The following CDYL2 variants were observed in gnomAD, a reference collection of about 807,000 sequenced individuals.
The protein encoded by CDYL2 is chromodomain Y-like protein 2.
A neutral mutation model predicts 49.4 loss-of-function variants in CDYL2; 23 were observed. The ratio of observed to expected loss-of-function variants is 0.47; its 90% confidence interval spans 0.34 to 0.66. The LOEUF (loss-of-function observed/expected upper bound fraction) is 0.66, where lower values mean the gene tolerates loss of function less well. CDYL2 is among the 30% of genes least tolerant of loss of function. The pLI is 0.01. For synonymous variants in CDYL2, 360 were observed against 268.8 expected (o/e 1.34, Z -3.32); for missense variants, 678 against 656.4 (o/e 1.03, Z -0.36).
chr16:80,643,913 T>A (rs1908217408), intron 2 of CDYL2, among the ~76,000 whole-genome samples: 1 of 152,248 alleles, frequency 6.6e-6, no homozygotes, highest in African/African-American at 2.4e-5. Flanking sequence ...TCTTGGGGAT[T>A]AACATTCAGC....
At chr16:80,674,576 C>T (rs568987541) in intron 2 of CDYL2, among the ~76,000 whole-genome samples, 1 of 152,164 alleles carries the variant, frequency 6.6e-6, no homozygotes, top group Non-Finnish European at 1.5e-5. Flanking sequence ...ATTTTCATTG[C>T]TCAAAATGAA....
Position 80,684,971 on chromosome 16 carries a change from G to A in CDYL2, c.183C>T (p.Ser61=), listed in dbSNP as rs1054113691. 7.4e-6 allele frequency: 12 copies of A among 1,614,122 alleles called. No individual in the cohort carries two copies. Among genetic ancestry groups the A allele is most frequent in the Middle Eastern group, 1.6e-4 (1 of 6,062 alleles). Residue 61 remains serine (S), a synonymous_variant, in exon 2 of 7, where the codon TCC becomes TCT. Transcript: ENST00000570137. ...TCCCTGACTTGATCCTCTTGTCCTTGGACATGTGCAACCCATTGAATTCAT... is the reference window on the plus strand; with the variant it reads ...TCCCTGACTTGATCCTCTTGTCCTTAGACATGTGCAACCCATTGAATTCAT... ...FIDEFNGLHM[S]KDKRIKSGKQ... is the part of the protein sequence containing the mutation.
chr16:80,768,087 C>T (rs1449618021), intron 1 of CDYL2, among the ~76,000 whole-genome samples: 1 of 152,210 alleles, frequency 6.6e-6, no homozygotes, highest in African/African-American at 2.4e-5. Context: ...AAAGCCCATT[C>T]CCCCACTGCC....
At chr16:80,804,665 G>C (rs1438202028), upstream of CDYL2, among the ~76,000 whole-genome samples, 2 of 145,946 alleles carry the variant, frequency 1.4e-5, no homozygotes, top group African/African-American at 4.9e-5. Flanking sequence ...GCTGCTGCCC[G>C]GCCGCGCCCC....
chr16:80,801,544 T>G (rs1402040371), intron 1 of CDYL2, among the ~76,000 whole-genome samples: 2 of 152,196 alleles, frequency 1.3e-5, no homozygotes, highest in Non-Finnish European at 2.9e-5. Flanking sequence ...GTGAAATATA[T>G]CAATTACAAA....
chr16:80,672,119 A>G (rs1336348641), intron 2 of CDYL2, among the ~76,000 whole-genome samples: 1 of 152,164 alleles, frequency 6.6e-6, no homozygotes, highest in African/African-American at 2.4e-5. Flanking sequence ...CATCATTTTG[A>G]TGCTCAGAAA....
At chr16:80,616,131 C>T (rs932814794) in intron 4 of CDYL2, among the ~76,000 whole-genome samples, 2 of 152,184 alleles carry the variant, frequency 1.3e-5, no homozygotes, top group African/African-American at 2.4e-5. Flanking sequence ...GCAACAACTT[C>T]AGAATCTGAA....
intron 1 of CDYL2, among the ~76,000 whole-genome samples, chr16:80,744,394 C>T (rs898014621): frequency 5.9e-5 from 9 of 152,246 alleles, no homozygotes; most frequent in Admixed American, 3.9e-4. Flanking sequence ...TCCTTTAACA[C>T]CAGCTTTACA....
rs1904339918 is a variant in CDYL2, at chr16:80,704,573, T to C, written c.25-19444A>G. Among the ~76,000 whole-genome samples the C allele has an allele frequency of 2.0e-5, 3 of 152,104 alleles. No homozygotes were observed. The South Asian group carries it at 6.2e-4, about 32-fold the overall frequency. The stretch of plus-strand genomic sequence containing the variant: ...CAAAAGGAAAGACGTTCACCACCGG[T>C]GTGTACAAGGTAGCCAACCTGGTCT... On this transcript the variant is annotated intron_variant, in intron 1 of 6. Transcript: ENST00000570137.
intron 1 of CDYL2, among the ~76,000 whole-genome samples, chr16:80,790,761 G>A (rs1341052769): frequency 1.3e-5 from 2 of 152,160 alleles, no homozygotes; most frequent in African/African-American, 4.8e-5. Flanking sequence ...CAGGGGGGTA[G>A]GTCTCAGCTC....
intron 1 of CDYL2, among the ~76,000 whole-genome samples, chr16:80,711,746 A>G (rs1904603292): frequency 7.0e-6 from 1 of 143,130 alleles, no homozygotes; most frequent in Non-Finnish European, 1.6e-5. Context: ...GCGCTTAATA[A>G]ATACTCAGTA....
chr16:80,615,334 AG>A (rs1173180958), intron 4 of CDYL2, among the ~76,000 whole-genome samples: 1 of 152,130 alleles, frequency 6.6e-6, no homozygotes, highest in Non-Finnish European at 1.5e-5. Context: ...GAGAATCCTT[AG>A]GGGTTTGGAT....
At chr16:80,719,451 AT>A (rs1904924230) in intron 1 of CDYL2, among the ~76,000 whole-genome samples, 1 of 62,520 alleles carries the variant, frequency 1.6e-5, no homozygotes, top group African/African-American at 3.0e-5. Context: ...CATGATCTTC[AT>A]CATTTTAATT....
chr16:80,611,904 T>TG (rs1280999383), intron 5 of CDYL2, among the ~76,000 whole-genome samples: 3 of 152,238 alleles, frequency 2.0e-5, no homozygotes, highest in Non-Finnish European at 4.4e-5. Flanking sequence ...CCGCCTCTGT[T>TG]GGACAGTGGC....
At chr16:80,733,158 C>A (rs374474498) in intron 1 of CDYL2, among the ~76,000 whole-genome samples, 1 of 152,122 alleles carries the variant, frequency 6.6e-6, no homozygotes, top group Non-Finnish European at 1.5e-5. Flanking sequence ...AGGCAGTTCC[C>A]TGGGAGAAGT....
intron 3 of CDYL2, among the ~76,000 whole-genome samples, 178 bp from the exon 4 acceptor site, chr16:80,621,113 C>T (rs1172998829): frequency 1.3e-5 from 2 of 152,212 alleles, no homozygotes; most frequent in Non-Finnish European, 2.9e-5. Context: ...AGGAGAAAAA[C>T]ACTTATCATA....
At chr16:80,628,565 G>C (rs1907406582) in intron 3 of CDYL2, among the ~76,000 whole-genome samples, 1 of 152,284 alleles carries the variant, frequency 6.6e-6, no homozygotes, top group South Asian at 2.1e-4. Flanking sequence ...AAGAGACCTT[G>C]AGCTGGAAGC....
chr16:80,691,603 T>C lies in CDYL2; in HGVS notation c.25-6474A>G, dbSNP rs79898974. ...GAGAGACCTCACACAAAATTAGTAA[T>C]AGCAGCATCATCACACAACATGGTC... is the stretch of plus-strand genomic sequence containing the variant. On this transcript the variant is annotated intron_variant, in intron 1 of 6. Coordinates refer to ENST00000570137, the MANE Select transcript of CDYL2 (RefSeq NM_152342.4). 6.6e-3 allele frequency among the ~76,000 whole-genome samples: 1,005 copies of C among 152,282 alleles called. 12 individuals carry two copies. Among genetic ancestry groups the C allele is most frequent in the South Asian group, 0.033 (157 of 4,824 alleles).
intron 1 of CDYL2, among the ~76,000 whole-genome samples, chr16:80,703,143 T>G (rs1304630669): frequency 6.6e-6 from 1 of 152,150 alleles, no homozygotes; most frequent in Non-Finnish European, 1.5e-5. Context: ...CACACACACC[T>G]GGGCAAAAAG....
Sources: allele counts gnomAD v4.1 joint callset (sites outside exome capture counted in the v4.1 genomes callset), GRCh38; gene constraint gnomAD v4.1.1; transcripts MANE v1.5; gene names NCBI Gene and HGNC (gene_info 2026-07-23, HGNC 2026-07-21).